Variants in MCC observed in about 807,000 individuals in gnomAD.
MCC encodes the protein colorectal mutant cancer protein.
MCC carries 90 observed loss-of-function variants against 116.2 expected under a neutral mutation model. That is an observed-to-expected ratio of 0.77 (90% CI 0.65 to 0.92). The LOEUF (loss-of-function observed/expected upper bound fraction) is 0.92. Among genes scored for constraint, MCC ranks in the 40% least tolerant of loss-of-function variants. MCC has a pLI of 0.00. For synonymous variants in MCC, 578 were observed against 510.5 expected (o/e 1.13, Z -1.78); for missense variants, 1,516 against 1,312.2 (o/e 1.16, Z -2.40).
In MCC at chr5:113,024,816, T is replaced by C. The variant is rs1448283968; in HGVS notation, c.*2486A>G. The stretch of plus-strand genomic sequence containing the variant: ...GTGCCACCTAGTTCACCTTCAAGGA[T>C]TGTGTCTTGGGGAGTATTTGAAAAA... On this transcript the variant is annotated 3_prime_UTR_variant, in exon 19 of 19. Transcript: ENST00000408903. 2.0e-5 allele frequency: 3 copies of C among 152,226 alleles called. No individual in the cohort carries two copies. The highest frequency in any genetic ancestry group is 4.4e-5 in the Non-Finnish European group (3 of 68,040). The allele number at this position is 152,226 out of a possible 1,614,324, so 9.4% of individuals were successfully genotyped here.
intron 3 of MCC, among the ~76,000 whole-genome samples, chr5:113,196,084 C>T (rs1380323960): frequency 2.6e-5 from 4 of 152,226 alleles, no homozygotes; most frequent in African/African-American, 9.6e-5. Context: ...TTTACTTGTG[C>T]CTCGGTTGGC....
chr5:113,237,330 T>C (rs1351829172), intron 3 of MCC, among the ~76,000 whole-genome samples: 2 of 152,224 alleles, frequency 1.3e-5, no homozygotes, highest in Admixed American at 1.3e-4. Flanking sequence ...CCACAAAAAT[T>C]TCTGAATTTT....
intron 3 of MCC, among the ~76,000 whole-genome samples, chr5:113,212,041 A>G (rs887012529): frequency 2.0e-5 from 3 of 152,222 alleles, no homozygotes; most frequent in South Asian, 2.1e-4. Context: ...AAGATCCCAG[A>G]CAATTATAGA....
intron 3 of MCC, among the ~76,000 whole-genome samples, chr5:113,153,429 G>A (rs1759998717): frequency 6.6e-6 from 1 of 152,192 alleles, no homozygotes; most frequent in African/African-American, 2.4e-5. Context: ...AGACTTGGAA[G>A]AGGGGTCCAG....
chr5:113,245,467 A>G (rs1764539624), intron 3 of MCC, among the ~76,000 whole-genome samples: 1 of 152,054 alleles, frequency 6.6e-6, no homozygotes, highest in South Asian at 2.1e-4. Context: ...CTAACTGGTC[A>G]GGGAAAAAGG....
At chr5:113,438,244 A>G (rs1338492254) in intron 1 of MCC, among the ~76,000 whole-genome samples, 1 of 152,054 alleles carries the variant, frequency 6.6e-6, no homozygotes, top group Admixed American at 6.6e-5. Flanking sequence ...CTATAGAATG[A>G]CACCTAACTT....
chr5:113,230,438 G>A (rs1763900077), intron 3 of MCC, among the ~76,000 whole-genome samples: 1 of 152,000 alleles, frequency 6.6e-6, no homozygotes, highest in African/African-American at 2.4e-5. Flanking sequence ...TTAATAAGAG[G>A]GCCCTAATCA....
At chr5:113,364,591 G>A (rs1408161055) in intron 2 of MCC, among the ~76,000 whole-genome samples, 1 of 152,236 alleles carries the variant, frequency 6.6e-6, no homozygotes, top group Non-Finnish European at 1.5e-5. Flanking sequence ...TGCCCCAGTG[G>A]GGACTTGTGT....
chr5:113,135,370 T>A (rs1490043834), intron 5 of MCC, among the ~76,000 whole-genome samples: 13 of 138,982 alleles, frequency 9.4e-5, no homozygotes, highest in African/African-American at 3.2e-4. Context: ...CTGGCTAACG[T>A]GGTGAAACAC....
chr5:113,242,296 A>G (rs1178373680), intron 3 of MCC, among the ~76,000 whole-genome samples: 1 of 152,242 alleles, frequency 6.6e-6, no homozygotes, highest in Non-Finnish European at 1.5e-5. Flanking sequence ...CATTCATTCT[A>G]GTATATTCAC....
Position 113,028,991 on chromosome 5 carries a change from C to T in MCC, c.2822G>A (p.Ser941Asn). 3 of 1,614,034 alleles carry T rather than the reference C, an allele frequency of 1.9e-6. No homozygotes were observed. The highest frequency in any genetic ancestry group is 2.5e-6 in the Non-Finnish European group (3 of 1,179,966). The change falls in exon 18 of 19, where the codon AGT becomes AAT. Residue 941 changes from serine to asparagine, a missense_variant. Physicochemically the swap from Ser to Asn is conservative, Grantham distance 46 (BLOSUM62 1). Coordinates refer to ENST00000408903, the MANE Select transcript of MCC (RefSeq NM_001085377.2). ...TGCAGATTGCTGATGTCGGATTTCA[C>T]TGCTCTTGGTGAGTCTCTCCAAGGC... Reference protein sequence around the residue: ...VSALERLTKSSEIRHQQSAEF... With the variant: ...VSALERLTKSNEIRHQQSAEF...
At chr5:113,124,016 G>C (rs560285207) in intron 5 of MCC, among the ~76,000 whole-genome samples, 1 of 152,270 alleles carries the variant, frequency 6.6e-6, no homozygotes, top group South Asian at 2.1e-4. Flanking sequence ...GAAATGTGAA[G>C]AACAGAAATC....
intron 1 of MCC, among the ~76,000 whole-genome samples, chr5:113,438,880 A>T (rs1770946508): frequency 6.6e-6 from 1 of 152,126 alleles, no homozygotes. Flanking sequence ...TAAAGTACTG[A>T]TTTTGCAGTA....
intron 5 of MCC, among the ~76,000 whole-genome samples, chr5:113,133,523 A>G (rs1413424288): frequency 6.6e-6 from 1 of 150,466 alleles, no homozygotes; most frequent in Non-Finnish European, 1.5e-5. Flanking sequence ...TCATCTATTC[A>G]TCTGTTGATA....
chr5:113,234,775 G>T (rs1027660971), intron 3 of MCC: 1 of 152,148 alleles, frequency 6.6e-6, no homozygotes, highest in Non-Finnish European at 1.5e-5. Context: ...TTCTTCACAG[G>T]CCCCAGATAT....
chr5:113,101,700 C>T, intron 8 of MCC, 39 bp downstream of exon 8: 2 of 1,605,692 alleles, frequency 1.2e-6, no homozygotes, highest in East Asian at 4.5e-5. Flanking sequence ...AGCCCCATGC[C>T]CAGGAAGGGC....
chr5:113,434,159 G>T lies in MCC; in HGVS notation c.171-48947C>A, dbSNP rs879239177. 3.1e-6 allele frequency: 5 copies of T among 1,614,078 alleles called. No homozygotes were observed. The South Asian group carries it at 4.4e-5, about 14-fold the overall frequency. ...GGAAGTTGACGCGGTGCTCCTTCTG[G>T]ATACGCAGCATCTTCTTGATGTTGG... On this transcript the variant is annotated intron_variant, in intron 1 of 18. Transcript: ENST00000408903. The surrounding 1 kb of genome is among the most constrained non-coding windows in gnomAD (Gnocchi z 4.2).
At chr5:113,107,101 G>A (rs1381964646) in intron 6 of MCC, among the ~76,000 whole-genome samples, 2 of 152,082 alleles carry the variant, frequency 1.3e-5, no homozygotes, top group East Asian at 3.8e-4. Flanking sequence ...CAGAGAATAG[G>A]GTAGGCGGTC....
intron 3 of MCC, among the ~76,000 whole-genome samples, chr5:113,268,563 T>G (rs551014351): frequency 2.6e-5 from 4 of 152,312 alleles, no homozygotes; most frequent in African/African-American, 9.6e-5. Context: ...AGCTAGATGA[T>G]ACGACATCTT....
Sources: allele counts gnomAD v4.1 joint callset (sites outside exome capture counted in the v4.1 genomes callset), GRCh38; gene constraint gnomAD v4.1.1; non-coding constraint Gnocchi (gnomAD v3.1); transcripts MANE v1.5; gene names NCBI Gene and HGNC (gene_info 2026-07-23, HGNC 2026-07-21).